Variants in ERC2 observed in about 807,000 individuals in gnomAD.
The protein encoded by ERC2 is ERC protein 2.
In ERC2, 42 loss-of-function variants were observed where a neutral mutation model predicts 114.8. The observed-to-expected ratio is 0.37, with a 90% CI of 0.29 to 0.47. The LOEUF is 0.47. ERC2 is among the 20% of genes least tolerant of loss of function. ERC2 has a pLI of 0.99. For missense variants in ERC2, 939 were observed against 1,150.7 expected (o/e 0.82, Z 2.66); for synonymous variants, 454 against 425.5 (o/e 1.07, Z -0.82).
chr3:56,037,968 A>C (rs140505888), intron 7 of ERC2, among the ~76,000 whole-genome samples: 1 of 152,314 alleles, frequency 6.6e-6, no homozygotes, highest in East Asian at 1.9e-4. Flanking sequence ...TAAAGACTTA[A>C]ATGTAAAACC....
In ERC2 at chr3:56,427,450, G is replaced by A. The variant is rs547953045; in HGVS notation, c.657+6901C>T. On this transcript the variant is annotated intron_variant, in intron 2 of 17. Coordinates refer to ENST00000288221, the MANE Select transcript of ERC2 (RefSeq NM_015576.3). ...CTAGTAAACATTTTTAACTGAAAGA[G>A]AGCATTTCATGTGGTGATATGTTGT... 3.3e-5 allele frequency among the ~76,000 whole-genome samples: 5 copies of A among 152,268 alleles called. No homozygotes were observed. In the South Asian group the frequency reaches 1.0e-3, roughly 32 times the overall value.
chr3:55,808,775 T>TAA lies in ERC2; in HGVS notation c.2565-73859_2565-73858dup, dbSNP rs61314401. ...AACTAAACATATATATATATATATA[T>TAA]AATTGTGAGAGAATATGACTCTACT... is the stretch of plus-strand genomic sequence containing the variant. On this transcript the variant is annotated intron_variant, in intron 14 of 17. Coordinates refer to ENST00000288221, the MANE Select transcript of ERC2 (RefSeq NM_015576.3). Among the ~76,000 whole-genome samples, 1,283 of 140,928 alleles carry TAA rather than the reference T, an allele frequency of 9.1e-3. 40 individuals carry two copies. The highest frequency in any genetic ancestry group is 0.033 in the African/African-American group (1,219 of 37,224). The allele number at this position is 140,928 out of a possible 152,430, so 92.5% of individuals were successfully genotyped here. A position where few individuals can be genotyped will look rare whatever the true frequency, so the allele number is the denominator to read the frequency against.
intron 2 of ERC2, among the ~76,000 whole-genome samples, chr3:56,364,440 A>G (rs947274966): frequency 6.6e-6 from 1 of 152,262 alleles, no homozygotes; most frequent in South Asian, 2.1e-4. Context: ...TAAAAAATTA[A>G]TAATGTAACA....
chr3:55,533,415 G>A (rs1332761049), intron 17 of ERC2, among the ~76,000 whole-genome samples: 6 of 152,184 alleles, frequency 3.9e-5, no homozygotes, highest in South Asian at 4.1e-4. Flanking sequence ...AGGAACCAAC[G>A]TTTGCTGCAT....
chr3:55,862,271 T>C (rs1033588949), intron 14 of ERC2, among the ~76,000 whole-genome samples: 1 of 152,176 alleles, frequency 6.6e-6, no homozygotes, highest in Non-Finnish European at 1.5e-5. Flanking sequence ...CTTCTTCATC[T>C]ATGCAGAGTC....
chr3:56,429,637 G>A (rs891898348), intron 2 of ERC2, among the ~76,000 whole-genome samples: 3 of 152,218 alleles, frequency 2.0e-5, no homozygotes, highest in Non-Finnish European at 4.4e-5. Context: ...TTTCAGTGCT[G>A]CAACTCTTAG....
At chr3:55,907,112 A>G (rs2064502939) in intron 13 of ERC2, among the ~76,000 whole-genome samples, 1 of 152,194 alleles carries the variant, frequency 6.6e-6, no homozygotes, top group South Asian at 2.1e-4. Flanking sequence ...CTGCAAAAGA[A>G]CCAGTAGCTG....
intron 3 of ERC2, among the ~76,000 whole-genome samples, chr3:56,285,798 CCA>C (rs2054659908): frequency 6.6e-6 from 1 of 152,176 alleles, no homozygotes; most frequent in Admixed American, 6.5e-5. Flanking sequence ...TTCAAAGCAG[CCA>C]CATTTTTTAA....
intron 17 of ERC2, among the ~76,000 whole-genome samples, chr3:55,589,739 C>T (rs1272426259): frequency 2.0e-5 from 3 of 152,034 alleles, no homozygotes; most frequent in Admixed American, 6.6e-5. Context: ...CAGCAGGAGA[C>T]AGGGCTCATG....
chr3:56,047,333 G>A (rs2075528944), intron 7 of ERC2, among the ~76,000 whole-genome samples: 1 of 152,204 alleles, frequency 6.6e-6, no homozygotes, highest in Non-Finnish European at 1.5e-5. Context: ...CAGAGCATAT[G>A]TTTGGGGTAA....
intron 12 of ERC2, among the ~76,000 whole-genome samples, chr3:55,964,773 G>A (rs1004557397): frequency 6.6e-6 from 1 of 152,146 alleles, no homozygotes; most frequent in Admixed American, 6.5e-5. Context: ...AGGCTTAACC[G>A]GGGAATAATG....
intron 2 of ERC2, among the ~76,000 whole-genome samples, chr3:56,327,408 T>C (rs34750355): frequency 0.33 from 50,439 of 152,052 alleles, 8,538 homozygotes; most frequent in Admixed American, 0.35. Context: ...ATTACCTCCA[T>C]CTGGTCTCTC....
chr3:56,342,328 C>A (rs1268147711), intron 2 of ERC2, among the ~76,000 whole-genome samples: 2 of 152,242 alleles, frequency 1.3e-5, no homozygotes, highest in Non-Finnish European at 2.9e-5. Flanking sequence ...ACTTCATTCA[C>A]TAAGTTATGC....
intron 3 of ERC2, among the ~76,000 whole-genome samples, chr3:56,286,458 T>G (rs1162629733): frequency 6.7e-6 from 1 of 150,244 alleles, no homozygotes; most frequent in East Asian, 1.9e-4. Flanking sequence ...AAAATACCGT[T>G]TCCTGATTTA....
At chr3:56,078,828 A>G (rs1161340101) in intron 7 of ERC2, among the ~76,000 whole-genome samples, 1 of 149,706 alleles carries the variant, frequency 6.7e-6, no homozygotes, top group Non-Finnish European at 1.5e-5. Context: ...AATATGAATG[A>G]ACAATATATA....
chr3:55,689,286 G>T (rs1374222396), intron 16 of ERC2, among the ~76,000 whole-genome samples: 1 of 151,732 alleles, frequency 6.6e-6, no homozygotes, highest in East Asian at 1.9e-4. Context: ...TCATTATAGG[G>T]CAAATTGAAG....
chr3:55,648,702 C>T (rs1215220857), intron 17 of ERC2, among the ~76,000 whole-genome samples: 1 of 152,176 alleles, frequency 6.6e-6, no homozygotes, highest in Non-Finnish European at 1.5e-5. Context: ...CAGAGTCTGT[C>T]TATTAGAAGA....
intron 16 of ERC2, among the ~76,000 whole-genome samples, chr3:55,689,774 G>C (rs2062540265): frequency 6.7e-6 from 1 of 148,970 alleles, no homozygotes; most frequent in Admixed American, 6.7e-5. Flanking sequence ...TCCAGCCTGG[G>C]CAACAAGAGC....
chr3:55,640,839 T>A (rs1363334636), intron 17 of ERC2, among the ~76,000 whole-genome samples: 1 of 152,236 alleles, frequency 6.6e-6, no homozygotes, highest in African/African-American at 2.4e-5. Context: ...GTACAATTTA[T>A]TTTTGTAACA....
Sources: allele counts gnomAD v4.1 joint callset (sites outside exome capture counted in the v4.1 genomes callset), GRCh38; gene constraint gnomAD v4.1.1; transcripts MANE v1.5; gene names NCBI Gene and HGNC (gene_info 2026-07-23, HGNC 2026-07-21).